The following GARRE1 variants were observed in gnomAD, a reference collection of about 807,000 sequenced individuals.
GARRE1 encodes the protein granule associated Rac and RHOG effector protein 1.
In GARRE1, 49 loss-of-function variants were observed where a neutral mutation model predicts 103.2. The ratio of observed to expected loss-of-function variants is 0.47; its 90% CI spans 0.38 to 0.60. The LOEUF (loss-of-function observed/expected upper bound fraction) is 0.60, where lower values mean the gene tolerates loss of function less well. Among genes scored for constraint, GARRE1 ranks in the 20% least tolerant of loss-of-function variants. The probability of loss-of-function intolerance (pLI) is 0.00; values close to 1 mark genes in which losing one functional copy is unlikely to be tolerated. For synonymous variants in GARRE1, 505 were observed against 532.8 expected, an observed-to-expected ratio of 0.95 and a Z score of 0.72; for missense variants, 1,199 against 1,370.5, an observed-to-expected ratio of 0.87 and a Z score of 1.98.
chr19:34,256,911 G>C (rs917092092), intron 1 of GARRE1, among the ~76,000 whole-genome samples: 2 of 151,926 alleles, frequency 1.3e-5, no homozygotes, highest in African/African-American at 2.4e-5. Flanking sequence ...AAAGCAAAAA[G>C]TTTAGTTTAT....
At chr19:34,297,318 T>A (rs925878257) in intron 1 of GARRE1, among the ~76,000 whole-genome samples, 7 of 152,152 alleles carry the variant, frequency 4.6e-5, no homozygotes, top group Non-Finnish European at 8.8e-5. Context: ...AAAAATTGTG[T>A]TGAATCTGTA....
chr19:34,301,619 C>T (rs1010684803), intron 2 of GARRE1, among the ~76,000 whole-genome samples: 7 of 151,332 alleles, frequency 4.6e-5, no homozygotes, highest in Non-Finnish European at 7.4e-5. Context: ...TTTCAAATAC[C>T]GTACTGGTAA....
chr19:34,255,903 G>A (rs1005550618), intron 1 of GARRE1, among the ~76,000 whole-genome samples: 2 of 151,756 alleles, frequency 1.3e-5, no homozygotes, highest in African/African-American at 4.8e-5. Flanking sequence ...GTGCAGTGGC[G>A]GGATCTAGAT....
At chr19:34,332,338 C>T (rs1316225580) in intron 7 of GARRE1, among the ~76,000 whole-genome samples, 1 of 152,052 alleles carries the variant, frequency 6.6e-6, no homozygotes, top group Non-Finnish European at 1.5e-5. Flanking sequence ...GATCCATATT[C>T]CCAGAGACCA....
intron 13 of GARRE1, 141 bp downstream of exon 13, chr19:34,351,733 C>CT: frequency 1.1e-5 from 7 of 659,578 alleles, no homozygotes; most frequent in Non-Finnish European, 1.1e-5. Flanking sequence ...GACTCAGAGC[C>CT]ACAGGAAGCT....
chr19:34,292,942 C>T (rs1384743058), intron 1 of GARRE1, among the ~76,000 whole-genome samples: 2 of 152,128 alleles, frequency 1.3e-5, no homozygotes, highest in Admixed American at 1.3e-4. Context: ...CCCCTGACCT[C>T]AAATGATCCT....
intron 10 of GARRE1, among the ~76,000 whole-genome samples, chr19:34,345,696 C>A (rs1163253306): frequency 6.6e-6 from 1 of 152,150 alleles, no homozygotes; most frequent in African/African-American, 2.4e-5. Context: ...GTGGCACACA[C>A]CTGTAGTCCC....
intron 1 of GARRE1, among the ~76,000 whole-genome samples, chr19:34,282,492 A>T (rs968020983): frequency 6.6e-6 from 1 of 152,194 alleles, no homozygotes; most frequent in Non-Finnish European, 1.5e-5. Context: ...TGTCTGAGGA[A>T]TACCAGTCAG....
At chr19:34,304,997 T>C (rs2074001050) in intron 2 of GARRE1, among the ~76,000 whole-genome samples, 1 of 152,050 alleles carries the variant, frequency 6.6e-6, no homozygotes. Context: ...TTTCACCATG[T>C]TAACCAGGAT....
rs1027783409 is a variant in GARRE1, at chr19:34,254,915, G to A, written c.-796+301G>A. Among the ~76,000 whole-genome samples the A allele has an allele frequency of 3.8e-4, 57 of 151,106 alleles. No homozygotes were observed. In the East Asian group the frequency reaches 8.7e-3, roughly 23 times the overall value. Reference sequence around the variant, plus strand: ...CGGCGGCCGCGGCACCGCAGGGGCGGGTCGGCGCCCGTCAGGCGGGGAAAG... The same window carrying A: ...CGGCGGCCGCGGCACCGCAGGGGCGAGTCGGCGCCCGTCAGGCGGGGAAAG... On this transcript the variant is annotated intron_variant, in intron 1 of 13. Coordinates refer to ENST00000299505, the MANE Select transcript of GARRE1 (RefSeq NM_014686.5).
At position 34,300,301 on chromosome 19, in the gene GARRE1, C is replaced by A; in HGVS notation, c.-173C>A. 1.7e-6 allele frequency: 1 copy of A among 584,322 alleles called. No homozygotes were observed. The highest frequency in any genetic ancestry group is 2.9e-6 in the Non-Finnish European group (1 of 348,012). The allele number at this position is 584,322 out of a possible 1,614,324, so 36.2% of individuals were successfully genotyped here. A position where few individuals can be genotyped will look rare whatever the true frequency, so the allele number is the denominator to read the frequency against. On this transcript the variant is annotated 5_prime_UTR_variant, in exon 2 of 14. Coordinates refer to ENST00000299505, the MANE Select transcript of GARRE1 (RefSeq NM_014686.5). ...ACACTGAAAATATTAATTATATAAA[C>A]CTGTTGTCTCTCACCTCTACATTGG...
intron 1 of GARRE1, among the ~76,000 whole-genome samples, chr19:34,255,157 G>T (rs1378405851): frequency 6.9e-6 from 1 of 143,982 alleles, no homozygotes; most frequent in Non-Finnish European, 1.5e-5. Context: ...CGGCCCTGCG[G>T]AGCCAGCTGG....
At chr19:34,268,119 A>G (rs1267537711) in intron 1 of GARRE1, among the ~76,000 whole-genome samples, 1 of 150,460 alleles carries the variant, frequency 6.6e-6, no homozygotes, top group Admixed American at 6.6e-5. Flanking sequence ...AATTATTTTC[A>G]CCCCCTGATT....
chr19:34,301,982 C>A (rs1341636720), intron 2 of GARRE1, among the ~76,000 whole-genome samples: 1 of 50,030 alleles, frequency 2.0e-5, no homozygotes, highest in Non-Finnish European at 3.9e-5. Flanking sequence ...TGCGCCCAGC[C>A]TTTTTTTTTT....
chr19:34,346,771 T>C (rs1054400535), intron 10 of GARRE1, among the ~76,000 whole-genome samples: 4 of 151,690 alleles, frequency 2.6e-5, no homozygotes, highest in Admixed American at 1.3e-4. Context: ...TGCCTGCCAC[T>C]ACGTCCAGCT....
intron 5 of GARRE1, 28 bp downstream of exon 5, chr19:34,327,894 G>T: frequency 6.2e-7 from 1 of 1,613,328 alleles, no homozygotes; most frequent in Non-Finnish European, 8.5e-7. Flanking sequence ...AAAGCTCTGG[G>T]GACCTATGGC....
chr19:34,257,982 A>G (rs993151157), intron 1 of GARRE1, among the ~76,000 whole-genome samples: 3 of 148,058 alleles, frequency 2.0e-5, no homozygotes, highest in Admixed American at 6.9e-5. Flanking sequence ...CTCTGGCTCC[A>G]GGGTTCAAAC....
chr19:34,273,696 A>C (rs111635260), intron 1 of GARRE1, among the ~76,000 whole-genome samples: 5 of 152,306 alleles, frequency 3.3e-5, no homozygotes, highest in African/African-American at 1.2e-4. Flanking sequence ...GGCTAAAAAC[A>C]GGGTGTTACG....
chr19:34,325,086 T>C (rs2074105522), intron 3 of GARRE1, among the ~76,000 whole-genome samples: 1 of 125,642 alleles, frequency 8.0e-6, no homozygotes, highest in African/African-American at 3.7e-5. Context: ...AGAATATTCC[T>C]CCTTGGAAAT....
Sources: allele counts gnomAD v4.1 joint callset (sites outside exome capture counted in the v4.1 genomes callset), GRCh38; gene constraint gnomAD v4.1.1; transcripts MANE v1.5; gene names NCBI Gene and HGNC (gene_info 2026-07-23, HGNC 2026-07-21).